The following CYP2J2 variants were observed in gnomAD, a reference collection of about 807,000 sequenced individuals.
CYP2J2 encodes the protein cytochrome P450 2J2.
In CYP2J2, 41 loss-of-function variants were observed where a neutral mutation model predicts 48.8. The ratio of observed to expected loss-of-function variants is 0.84; its 90% confidence interval spans 0.66 to 1.09. The LOEUF is 1.09. Among genes scored for constraint, CYP2J2 ranks in the 50% least tolerant of loss-of-function variants. The probability of loss-of-function intolerance (pLI) is 0.00; values close to 1 mark genes in which losing one functional copy is unlikely to be tolerated. For missense variants in CYP2J2, 644 were observed against 617.3 expected, an observed-to-expected ratio of 1.04 and a Z score of -0.46; for synonymous variants, 221 against 227.1, an observed-to-expected ratio of 0.97 and a Z score of 0.24.
chr1:59,953,109 C>T, the CYP2J2 span, among the ~76,000 whole-genome samples: 1 of 152,172 alleles, frequency 6.6e-6, no homozygotes, highest in Non-Finnish European at 1.5e-5. Context: ...TGGGGATACA[C>T]ATGATGCAAA....
At chr1:59,911,195 C>A (rs1268088748) in intron 4 of CYP2J2, among the ~76,000 whole-genome samples, 1 of 152,052 alleles carries the variant, frequency 6.6e-6, no homozygotes, top group Admixed American at 6.6e-5. Context: ...AAAGAGCAAC[C>A]AGCACAGATG....
At chr1:59,961,555 A>G in the CYP2J2 span, among the ~76,000 whole-genome samples, 2 of 152,290 alleles carry the variant, frequency 1.3e-5, no homozygotes, top group South Asian at 2.1e-4. Flanking sequence ...ATTTTGGAAA[A>G]CATTCTGGCA....
At chr1:59,942,916 T>C in the CYP2J2 span, among the ~76,000 whole-genome samples, 1 of 152,200 alleles carries the variant, frequency 6.6e-6, no homozygotes, top group African/African-American at 2.4e-5. Context: ...TAGGTACTCT[T>C]ATGAACCCCG....
In CYP2J2 at chr1:59,912,421, A is replaced by C. The variant is rs1574255117; in HGVS notation, c.374-110T>G. 4 of 1,150,522 alleles carry C rather than the reference A, an allele frequency of 3.5e-6. No individual in the cohort carries two copies. The highest frequency in any genetic ancestry group is 4.9e-6 in the Non-Finnish European group (4 of 810,002). The allele number at this position is 1,150,522 out of a possible 1,614,324, so 71.3% of individuals were successfully genotyped here. A position where few individuals can be genotyped will look rare whatever the true frequency, so the allele number is the denominator to read the frequency against. On this transcript the variant is annotated intron_variant, in intron 2 of 8. Coordinates refer to ENST00000371204, the MANE Select transcript of CYP2J2 (RefSeq NM_000775.4). ...AAGGACAGGAGAAGATCATTAAGGCACTTGAAAACTGCCCAGAGAAATAAT... is the reference window on the plus strand; with the variant it reads ...AAGGACAGGAGAAGATCATTAAGGCCCTTGAAAACTGCCCAGAGAAATAAT...
At chr1:59,947,979 T>A in the CYP2J2 span, among the ~76,000 whole-genome samples, 2 of 152,146 alleles carry the variant, frequency 1.3e-5, no homozygotes, top group South Asian at 2.1e-4. Flanking sequence ...AATGCAATGG[T>A]TCTTTCGGTT....
upstream of CYP2J2, among the ~76,000 whole-genome samples, chr1:59,930,893 A>G (rs1266529869): frequency 1.3e-5 from 2 of 152,162 alleles, no homozygotes; most frequent in Non-Finnish European, 2.9e-5. Context: ...CACAAATTGC[A>G]AAGTTCATTA....
intron 4 of CYP2J2, among the ~76,000 whole-genome samples, chr1:59,910,725 G>T (rs1644406501): frequency 6.6e-6 from 1 of 151,998 alleles, no homozygotes; most frequent in South Asian, 2.1e-4. Flanking sequence ...GAAAGCCCAG[G>T]GTATGAACTC....
At chr1:59,938,304 C>G in the CYP2J2 span, among the ~76,000 whole-genome samples, 1 of 152,176 alleles carries the variant, frequency 6.6e-6, no homozygotes, top group Non-Finnish European at 1.5e-5. Flanking sequence ...AGGACCTGCA[C>G]TGGCACCGGT....
chr1:59,896,680 C>G (rs1322647027), intron 8 of CYP2J2, among the ~76,000 whole-genome samples: 1 of 152,124 alleles, frequency 6.6e-6, no homozygotes, highest in Non-Finnish European at 1.5e-5. Context: ...TACATTACCC[C>G]ACACAAGTCA....
the CYP2J2 span, among the ~76,000 whole-genome samples, chr1:59,933,933 C>T: frequency 2.6e-5 from 4 of 152,010 alleles, no homozygotes; most frequent in Non-Finnish European, 4.4e-5. Flanking sequence ...AAAAGTGAAA[C>T]AATTTTGAGA....
the CYP2J2 span, among the ~76,000 whole-genome samples, chr1:59,967,601 TC>T: frequency 1.3e-5 from 2 of 152,202 alleles, no homozygotes; most frequent in African/African-American, 4.8e-5. Context: ...TGAGCATATA[TC>T]CCTGAGCAAG....
chr1:59,912,415 T>C, intron 2 of CYP2J2, 104 bp from the exon 3 acceptor site: 1 of 1,291,336 alleles, frequency 7.7e-7, no homozygotes, highest in Admixed American at 2.3e-5. Flanking sequence ...AGAAGATCAT[T>C]AAGGCACTTG....
At chr1:59,940,375 A>T in the CYP2J2 span, among the ~76,000 whole-genome samples, 5 of 152,164 alleles carry the variant, frequency 3.3e-5, no homozygotes, top group Non-Finnish European at 5.9e-5. Context: ...CTGGTAGCTA[A>T]GTCCTGGAAA....
intron 7 of CYP2J2, chr1:59,904,654 T>G (rs763807509): frequency 5.3e-5 from 27 of 509,644 alleles, no homozygotes; most frequent in Non-Finnish European, 8.9e-5. Context: ...CCAGTCTTTA[T>G]CTAAACATAT....
the CYP2J2 span, among the ~76,000 whole-genome samples, chr1:59,956,464 ACT>A: frequency 6.6e-6 from 1 of 151,342 alleles, no homozygotes; most frequent in Non-Finnish European, 1.5e-5. Context: ...GGAGAAGAGG[ACT>A]CTCTTCTCTT....
chr1:59,955,150 TA>T, the CYP2J2 span, among the ~76,000 whole-genome samples: 1 of 134,632 alleles, frequency 7.4e-6, no homozygotes, highest in Admixed American at 7.3e-5. Flanking sequence ...TTAAAATAAA[TA>T]AATAAATAAA....
chr1:59,901,604 A>G (rs1313750467), intron 7 of CYP2J2, among the ~76,000 whole-genome samples: 3 of 152,214 alleles, frequency 2.0e-5, no homozygotes, highest in African/African-American at 7.2e-5. Flanking sequence ...TAGTAATAGA[A>G]TCAGGTAGAC....
At chr1:59,941,457 TAAAC>T in the CYP2J2 span, among the ~76,000 whole-genome samples, 1 of 152,232 alleles carries the variant, frequency 6.6e-6, no homozygotes, top group African/African-American at 2.4e-5. Flanking sequence ...TTGCTAATGA[TAAAC>T]AACTATGTTA....
At chr1:59,950,066 GA>G in the CYP2J2 span, among the ~76,000 whole-genome samples, 16 of 152,244 alleles carry the variant, frequency 1.1e-4, no homozygotes, top group African/African-American at 3.9e-4. Flanking sequence ...AACAACTAAT[GA>G]ATTGCACTTT....
Sources: gnomAD v4.1 joint callset for allele counts (sites outside exome capture counted in the v4.1 genomes callset) on GRCh38, gnomAD v4.1.1 for gene constraint, MANE v1.5 for transcripts, NCBI Gene and HGNC (gene_info 2026-07-23, HGNC 2026-07-21) for gene names.